CELF2: variants seen among roughly 807,000 people sequenced by gnomAD.
The protein encoded by CELF2 is CUG triplet repeat RNA-binding protein 2.
In CELF2, 8 loss-of-function variants were observed where a neutral mutation model predicts 62.6. The ratio of observed to expected loss-of-function variants is 0.13; its 90% confidence interval spans 0.07 to 0.23. The LOEUF (loss-of-function observed/expected upper bound fraction) is 0.23. CELF2 is among the 10% of genes least tolerant of loss of function. The pLI is 1.00. For synonymous variants in CELF2, 258 were observed against 250.0 expected, an observed-to-expected ratio of 1.03 and a Z score of -0.30; for missense variants, 333 against 671.0, an observed-to-expected ratio of 0.50 and a Z score of 5.56.
the CELF2 span, among the ~76,000 whole-genome samples, chr10:10,748,190 C>T: frequency 5.9e-5 from 9 of 151,816 alleles, no homozygotes; most frequent in Non-Finnish European, 7.4e-5. Context: ...TAATTAACAA[C>T]GTGTTGTATA....
At chr10:10,500,680 T>C in the CELF2 span, among the ~76,000 whole-genome samples, 1 of 152,136 alleles carries the variant, frequency 6.6e-6, no homozygotes, top group South Asian at 2.1e-4. Flanking sequence ...AATGGACTAA[T>C]ACACTATAGT....
At chr10:11,097,547 A>G (rs1289309717) in intron 1 of CELF2, 1 of 152,170 alleles carries the variant, frequency 6.6e-6, no homozygotes, top group Non-Finnish European at 1.5e-5. Context: ...GTTGTGGTCT[A>G]CCCTGACTCT....
At chr10:10,737,480 G>A in the CELF2 span, among the ~76,000 whole-genome samples, 3 of 152,058 alleles carry the variant, frequency 2.0e-5, no homozygotes, top group Admixed American at 6.6e-5. Flanking sequence ...GCAGAAAATT[G>A]TCTGGGAGTT....
intron 1 of CELF2, among the ~76,000 whole-genome samples, chr10:11,122,973 G>A (rs1369231784): frequency 6.6e-6 from 1 of 152,216 alleles, no homozygotes; most frequent in African/African-American, 2.4e-5. Context: ...TCATGCAGCT[G>A]CAGGATCTGG....
chr10:10,790,663 G>T, the CELF2 span, among the ~76,000 whole-genome samples: 1 of 152,144 alleles, frequency 6.6e-6, no homozygotes, highest in Admixed American at 6.5e-5. Flanking sequence ...GGGGTGAATG[G>T]TGAAAGGATT....
the CELF2 span, among the ~76,000 whole-genome samples, chr10:10,621,738 G>A: frequency 6.6e-6 from 1 of 152,112 alleles, no homozygotes; most frequent in Admixed American, 6.5e-5. Flanking sequence ...AGGAGATCTA[G>A]AACAAATATA....
chr10:11,287,181 T>C (rs2091529889), intron 8 of CELF2, among the ~76,000 whole-genome samples: 1 of 152,056 alleles, frequency 6.6e-6, no homozygotes, highest in African/African-American at 2.4e-5. Context: ...TCCGTAGATA[T>C]TGATTAAGTA....
upstream of CELF2, among the ~76,000 whole-genome samples, chr10:11,004,156 T>A (rs1380199048): frequency 6.6e-6 from 1 of 152,010 alleles, no homozygotes; most frequent in Admixed American, 6.5e-5. This position sits in a 1 kb window ranked among gnomAD's most constrained non-coding sequence, Gnocchi z 5.0. Flanking sequence ...GGGAACAGAG[T>A]CCACCATTAC....
the CELF2 span, among the ~76,000 whole-genome samples, chr10:10,743,955 T>C: frequency 1.3e-5 from 2 of 152,244 alleles, no homozygotes; most frequent in Non-Finnish European, 2.9e-5. Context: ...GGATATGGTA[T>C]ATAAATGTAA....
At chr10:10,610,614 A>C in the CELF2 span, among the ~76,000 whole-genome samples, 1 of 152,216 alleles carries the variant, frequency 6.6e-6, no homozygotes, top group South Asian at 2.1e-4. Context: ...TGGAAGTCAG[A>C]AGTTTAAAGA....
the CELF2 span, among the ~76,000 whole-genome samples, chr10:10,754,325 TA>T: frequency 1.3e-5 from 2 of 152,016 alleles, no homozygotes; most frequent in South Asian, 4.2e-4. Flanking sequence ...TTTTTTATTT[TA>T]TTTTTTGTAG....
Position 11,290,755 on chromosome 10 carries a change from C to T in CELF2, c.976+2203C>T, listed in dbSNP as rs529740557. Reference sequence around the variant, plus strand: ...AGGCTTCTTGCCCTTCAGAACACGCCGCTCGCTTAGGTGTCACTGAGAGCG... The same window carrying T: ...AGGCTTCTTGCCCTTCAGAACACGCTGCTCGCTTAGGTGTCACTGAGAGCG... On this transcript the variant is annotated intron_variant, in intron 9 of 12. Transcript: ENST00000633077. The surrounding 1 kb of genome is among the most constrained non-coding windows in gnomAD (Gnocchi z 4.3). Among the ~76,000 whole-genome samples the T allele has an allele frequency of 1.3e-5, 2 of 152,292 alleles. No homozygotes were observed. Among genetic ancestry groups the T allele is most frequent in the East Asian group, 1.9e-4 (1 of 5,176 alleles).
intron 1 of CELF2, among the ~76,000 whole-genome samples, chr10:11,021,531 G>T (rs528666719): frequency 2.0e-5 from 3 of 152,186 alleles, no homozygotes; most frequent in Non-Finnish European, 2.9e-5. Flanking sequence ...GCAGTGTGAC[G>T]AGTCCAAGAA....
the CELF2 span, among the ~76,000 whole-genome samples, chr10:10,552,303 A>G: frequency 6.6e-6 from 1 of 152,264 alleles, no homozygotes; most frequent in African/African-American, 2.4e-5. Context: ...CAATGAATGG[A>G]TAGGCAGAAA....
the CELF2 span, among the ~76,000 whole-genome samples, chr10:10,769,875 C>G: frequency 6.6e-6 from 1 of 152,096 alleles, no homozygotes; most frequent in African/African-American, 2.4e-5. Flanking sequence ...AAATACATGA[C>G]TCTGGCTAAA....
At chr10:11,054,946 C>T in intron 1 of CELF2, among the ~76,000 whole-genome samples, 1 of 152,168 alleles carries the variant, frequency 6.6e-6, no homozygotes, top group East Asian at 1.9e-4. Context: ...AACTCCTGAC[C>T]TCAGATGATC....
At chr10:11,116,736 G>C (rs2056643386) in intron 1 of CELF2, among the ~76,000 whole-genome samples, 1 of 152,184 alleles carries the variant, frequency 6.6e-6, no homozygotes, top group Admixed American at 6.5e-5. Flanking sequence ...ATCAGAATTT[G>C]TCAAAAGAAA....
the CELF2 span, among the ~76,000 whole-genome samples, chr10:10,647,772 T>C: frequency 6.6e-6 from 1 of 152,198 alleles, no homozygotes; most frequent in Non-Finnish European, 1.5e-5. Flanking sequence ...TCATTTACAG[T>C]TTTAAAATGT....
At chr10:11,274,894 A>C (rs970600874) in intron 7 of CELF2, among the ~76,000 whole-genome samples, 163 bp from the exon 8 acceptor site, 1 of 152,252 alleles carries the variant, frequency 6.6e-6, no homozygotes, top group Non-Finnish European at 1.5e-5. Flanking sequence ...GAGATTGGAC[A>C]TGAATATGGA....
Sources: allele counts gnomAD v4.1 joint callset (sites outside exome capture counted in the v4.1 genomes callset), GRCh38; gene constraint gnomAD v4.1.1; non-coding constraint Gnocchi (gnomAD v3.1); transcripts MANE v1.5; gene names NCBI Gene and HGNC (gene_info 2026-07-23, HGNC 2026-07-21).